Variants in ENTREP2 observed in about 807,000 individuals in gnomAD.
ENTREP2 encodes endosomal transmembrane epsin interactor 2.
chr15:29,571,301 G>A, the ENTREP2 span, among the ~76,000 whole-genome samples: 1 of 152,194 alleles, frequency 6.6e-6, no homozygotes, highest in African/African-American at 2.4e-5. Context: ...TCGGCTGCGC[G>A]GAGGGGCCCG....
the ENTREP2 span, among the ~76,000 whole-genome samples, chr15:29,370,611 T>A: frequency 8.6e-5 from 13 of 152,040 alleles, no homozygotes; most frequent in African/African-American, 3.1e-4. Context: ...AGGTTTTCTA[T>A]CCTGGCTGCA....
chr15:29,338,630 CACT>C, the ENTREP2 span, among the ~76,000 whole-genome samples: 4 of 151,934 alleles, frequency 2.6e-5, no homozygotes, highest in East Asian at 7.9e-4. Flanking sequence ...GGCCAGCCAT[CACT>C]TAGATGGCTG....
At chr15:29,475,230 G>C in the ENTREP2 span, among the ~76,000 whole-genome samples, 5 of 152,268 alleles carry the variant, frequency 3.3e-5, no homozygotes, top group Middle Eastern at 3.4e-3. Flanking sequence ...CAAGGGGTGA[G>C]CTGGAGACAG....
At chr15:29,254,161 CAAAAAAAAAAAAAAAAAAA>C in the ENTREP2 span, among the ~76,000 whole-genome samples, 1 of 61,336 alleles carries the variant, frequency 1.6e-5, no homozygotes, top group Admixed American at 2.8e-4. Context: ...TGTTAAAGAG[CAAAAAAAAAAAAAAAAAAA>C]AAAAAAAAAA....
the ENTREP2 span, among the ~76,000 whole-genome samples, chr15:29,330,678 T>C: frequency 6.6e-6 from 1 of 152,134 alleles, no homozygotes; most frequent in Non-Finnish European, 1.5e-5. Flanking sequence ...TGGGGTTGGA[T>C]GGTATCCTGG....
the ENTREP2 span, among the ~76,000 whole-genome samples, chr15:29,536,557 T>C: frequency 1.4e-5 from 2 of 146,356 alleles, no homozygotes; most frequent in African/African-American, 5.2e-5. Context: ...TGAGCTGAGA[T>C]AGTGCCACTG....
the ENTREP2 span, among the ~76,000 whole-genome samples, chr15:29,255,996 G>A: frequency 4.9e-5 from 4 of 81,738 alleles, no homozygotes; most frequent in African/African-American, 1.4e-4. Flanking sequence ...GCGAGAGTCC[G>A]TCTCAAAAAA....
the ENTREP2 span, chr15:29,196,404 G>T: frequency 6.5e-7 from 1 of 1,547,704 alleles, no homozygotes; most frequent in African/African-American, 1.4e-5. Flanking sequence ...TGAAATGCAT[G>T]CACAAGCAGC....
the ENTREP2 span, among the ~76,000 whole-genome samples, chr15:29,301,945 A>T: frequency 6.6e-6 from 1 of 152,138 alleles, no homozygotes; most frequent in Middle Eastern, 3.2e-3. Context: ...AACCCTCCTG[A>T]ACTGTGAGCA....
At chr15:29,175,520 G>C in the ENTREP2 span, among the ~76,000 whole-genome samples, 1 of 152,196 alleles carries the variant, frequency 6.6e-6, no homozygotes, top group African/African-American at 2.4e-5. Flanking sequence ...GAACATCCAA[G>C]AATGCGTTTT....
At chr15:29,601,569 G>A in the ENTREP2 span, among the ~76,000 whole-genome samples, 5 of 151,906 alleles carry the variant, frequency 3.3e-5, no homozygotes, top group African/African-American at 7.3e-5. Flanking sequence ...TTTCTCCGAA[G>A]GTGGCAGGGT....
At chr15:29,444,670 T>C in the ENTREP2 span, among the ~76,000 whole-genome samples, 13 of 152,084 alleles carry the variant, frequency 8.5e-5, no homozygotes, top group African/African-American at 3.1e-4. Context: ...TTTCACCATA[T>C]TGGCCAGGCT....
the ENTREP2 span, among the ~76,000 whole-genome samples, chr15:29,499,094 T>C: frequency 6.6e-6 from 1 of 152,212 alleles, no homozygotes. Flanking sequence ...TTTAAATCTA[T>C]TCAGCCAATC....
the ENTREP2 span, among the ~76,000 whole-genome samples, chr15:29,356,291 TATA>T: frequency 1.2e-3 from 71 of 61,186 alleles, no homozygotes; most frequent in Admixed American, 1.6e-3. Context: ...TATATATATA[TATA>T]TATTTTTTTT....
chr15:29,644,033 A>G, the ENTREP2 span, among the ~76,000 whole-genome samples: 2 of 152,180 alleles, frequency 1.3e-5, no homozygotes, highest in Non-Finnish European at 1.5e-5. Context: ...AGTGGAAACA[A>G]CCCAAATGTC....
the ENTREP2 span, among the ~76,000 whole-genome samples, chr15:29,655,626 G>A: frequency 1.3e-5 from 2 of 152,086 alleles, no homozygotes; most frequent in African/African-American, 2.4e-5. Context: ...TATGTGAAAG[G>A]CTTGTGGAAA....
the ENTREP2 span, among the ~76,000 whole-genome samples, chr15:29,326,116 T>TAAC: frequency 6.6e-6 from 1 of 152,100 alleles, no homozygotes; most frequent in Non-Finnish European, 1.5e-5. Flanking sequence ...TATAAAAAGC[T>TAAC]AACATCACAC....
the ENTREP2 span, chr15:29,118,284 T>C: frequency 6.6e-6 from 1 of 152,488 alleles, no homozygotes; most frequent in South Asian, 2.1e-4. Flanking sequence ...ACTTCGCGCA[T>C]ATCACTAATA....
the ENTREP2 span, among the ~76,000 whole-genome samples, chr15:29,529,214 A>AGGGCGTGGAGGGGTGTGG: frequency 3.9e-5 from 1 of 25,378 alleles, no homozygotes; most frequent in Non-Finnish European, 7.9e-5. Flanking sequence ...TGGGGTTGTG[A>AGGGCGTGGAGGGGTGTGG]GGGCGTGGAG....
Sources: allele counts gnomAD v4.1 joint callset (sites outside exome capture counted in the v4.1 genomes callset), GRCh38; gene constraint gnomAD v4.1.1; transcripts MANE v1.5; gene names NCBI Gene and HGNC (gene_info 2026-07-23, HGNC 2026-07-21).